KIF26B: variants seen among roughly 807,000 people sequenced by gnomAD.
KIF26B encodes kinesin family member 26B, also known as kinesin-like protein KIF26B.
In KIF26B, 63 loss-of-function variants were observed where a neutral mutation model predicts 151.2. The ratio of observed to expected loss-of-function variants is 0.42; its 90% CI spans 0.34 to 0.51. The LOEUF (loss-of-function observed/expected upper bound fraction) is 0.51, where lower values mean the gene tolerates loss of function less well. KIF26B is among the 20% of genes least tolerant of loss of function. The pLI, the probability that KIF26B is intolerant of heterozygous loss-of-function variation, is 0.07. For synonymous variants in KIF26B, 1,357 were observed against 1,262.1 expected (o/e 1.08, Z -1.59); for missense variants, 2,813 against 2,913.6 (o/e 0.97, Z 0.79).
At chr1:245,561,332 G>A (rs929764128) in intron 5 of KIF26B, among the ~76,000 whole-genome samples, 1 of 152,164 alleles carries the variant, frequency 6.6e-6, no homozygotes. Flanking sequence ...TTTGGTGTGT[G>A]TACCTCCCCT....
At chr1:245,287,498 CT>C (rs1334935128) in intron 2 of KIF26B, among the ~76,000 whole-genome samples, 2,126 of 109,304 alleles carry the variant, frequency 0.019, 54 homozygotes, top group African/African-American at 0.066. Flanking sequence ...CTCTCTCTCT[CT>C]TTTTTTTTTT....
chr1:245,498,360 T>G (rs1448042835), intron 4 of KIF26B, among the ~76,000 whole-genome samples: 3 of 152,156 alleles, frequency 2.0e-5, no homozygotes, highest in African/African-American at 7.2e-5. Context: ...TAGAAGCTAG[T>G]GGAATGTTAT....
chr1:245,627,336 A>G (rs1016339339), intron 9 of KIF26B, among the ~76,000 whole-genome samples: 1 of 152,194 alleles, frequency 6.6e-6, no homozygotes, highest in Non-Finnish European at 1.5e-5. Context: ...ACTTGAACTC[A>G]GGATTCAGAA....
At chr1:245,592,038 C>G (rs2043293850) in intron 5 of KIF26B, among the ~76,000 whole-genome samples, 1 of 152,342 alleles carries the variant, frequency 6.6e-6, no homozygotes, top group African/African-American at 2.4e-5. Context: ...TTTCCTTCCC[C>G]CTCCGCTCCC....
chr1:245,692,350 G>T (rs1019593154), intron 12 of KIF26B, among the ~76,000 whole-genome samples: 1 of 152,170 alleles, frequency 6.6e-6, no homozygotes, highest in Non-Finnish European at 1.5e-5. Context: ...TGCTGAGTGG[G>T]GTAGTGAAGG....
At chr1:245,373,704 C>T (rs1184017683) in intron 3 of KIF26B, among the ~76,000 whole-genome samples, 1 of 152,050 alleles carries the variant, frequency 6.6e-6, no homozygotes, top group Admixed American at 6.6e-5. Flanking sequence ...GAGGTAGTCT[C>T]TATTACAGCT....
chr1:245,229,878 T>TA lies in KIF26B; in HGVS notation c.465+73197dup, dbSNP rs1263668196. 7.9e-5 allele frequency among the ~76,000 whole-genome samples: 12 copies of TA among 152,350 alleles called. 1 individual carries two copies. Among genetic ancestry groups the TA allele is most frequent in the Admixed American group, 1.3e-4 (2 of 15,298 alleles). On this transcript the variant is annotated intron_variant, in intron 2 of 14. Transcript: ENST00000407071. ...GGCCGGGTTCGGTGGCTCACGCCTG[T>TA]AATCCCCGCACTTTGGGAGGCCGAG...
intron 3 of KIF26B, among the ~76,000 whole-genome samples, chr1:245,397,253 T>A (rs1673870457): frequency 2.6e-5 from 4 of 152,070 alleles, no homozygotes; most frequent in Admixed American, 2.6e-4. Context: ...TTCACTCTTA[T>A]TGCCCAGGCT....
intron 5 of KIF26B, among the ~76,000 whole-genome samples, chr1:245,591,397 T>A (rs1394941941): frequency 6.6e-6 from 1 of 152,214 alleles, no homozygotes; most frequent in African/African-American, 2.4e-5. Context: ...GGGCATTTGC[T>A]CTTTTAATGA....
intron 2 of KIF26B, among the ~76,000 whole-genome samples, chr1:245,303,825 CA>C (rs1175449509): frequency 1.3e-5 from 2 of 152,216 alleles, no homozygotes; most frequent in Non-Finnish European, 2.9e-5. Context: ...GAGGTGCACA[CA>C]ATTATTACTG....
At chr1:245,243,199 C>G (rs184566850) in intron 2 of KIF26B, among the ~76,000 whole-genome samples, 1 of 152,162 alleles carries the variant, frequency 6.6e-6, no homozygotes, top group Non-Finnish European at 1.5e-5. Flanking sequence ...CTGTTTCTCC[C>G]TTGCCAATAC....
At chr1:245,294,557 C>G (rs1573758021) in intron 2 of KIF26B, among the ~76,000 whole-genome samples, 1 of 152,134 alleles carries the variant, frequency 6.6e-6, no homozygotes, top group African/African-American at 2.4e-5. Context: ...GGTTTTTTAT[C>G]TAAATGGTTG....
intron 3 of KIF26B, among the ~76,000 whole-genome samples, chr1:245,385,694 G>A (rs1229555858): frequency 2.0e-5 from 3 of 152,352 alleles, no homozygotes; most frequent in East Asian, 3.9e-4. Context: ...GACTTCATCC[G>A]TTAGCTCTAC....
chr1:245,369,191 GAGAGAGACA>G (rs1673041186), intron 3 of KIF26B, among the ~76,000 whole-genome samples: 1 of 138,318 alleles, frequency 7.2e-6, no homozygotes. Context: ...GAGAGAGAGA[GAGAGAGACA>G]GACAGACAGA....
chr1:245,447,621 T>C (rs1232080549), intron 4 of KIF26B, among the ~76,000 whole-genome samples: 1 of 151,918 alleles, frequency 6.6e-6, no homozygotes, highest in Non-Finnish European at 1.5e-5. Context: ...CAGACCAAAA[T>C]GAGGACTAGA....
chr1:245,422,524 A>G (rs1425340216), intron 4 of KIF26B, among the ~76,000 whole-genome samples: 1 of 152,206 alleles, frequency 6.6e-6, no homozygotes, highest in African/African-American at 2.4e-5. Context: ...GTGATAAGCC[A>G]AAACCTGCCC....
chr1:245,235,017 T>A (rs779724532), intron 2 of KIF26B, among the ~76,000 whole-genome samples: 28 of 152,158 alleles, frequency 1.8e-4, no homozygotes, highest in Admixed American at 5.2e-4. Flanking sequence ...TCCTCCTGCC[T>A]GGTGGAGCTG....
intron 2 of KIF26B, among the ~76,000 whole-genome samples, chr1:245,176,914 A>C (rs1169438337): frequency 3.9e-5 from 6 of 152,348 alleles, no homozygotes; most frequent in African/African-American, 1.4e-4. Context: ...AAAATCTTTA[A>C]GCATAGACAC....
At chr1:245,525,883 CCTAT>C (rs762370644) in intron 4 of KIF26B, among the ~76,000 whole-genome samples, 37 of 152,222 alleles carry the variant, frequency 2.4e-4, no homozygotes, top group South Asian at 8.3e-4. Context: ...GTATTTTAAA[CCTAT>C]CTGAGTACTT....
Sources: allele counts gnomAD v4.1 joint callset (sites outside exome capture counted in the v4.1 genomes callset), GRCh38; gene constraint gnomAD v4.1.1; transcripts MANE v1.5; gene names NCBI Gene and HGNC (gene_info 2026-07-23, HGNC 2026-07-21).